The following AUTS2 variants were observed in gnomAD, a reference collection of about 807,000 sequenced individuals.
The protein encoded by AUTS2 is activator of transcription and developmental regulator AUTS2.
A neutral mutation model predicts 112.4 loss-of-function variants in AUTS2; 17 were observed. The observed-to-expected ratio is 0.15, with a 90% CI of 0.10 to 0.23. The LOEUF is 0.23. AUTS2 is among the 10% of genes least tolerant of loss of function. The pLI is 1.00. For missense variants in AUTS2, 1,510 were observed against 1,701.6 expected (o/e 0.89, Z 1.98); for synonymous variants, 751 against 702.7 (o/e 1.07, Z -1.09).
In AUTS2 at chr7:70,792,640, A is replaced by G. The variant is rs1792048295; in HGVS notation, c.*1644A>G. The G allele has an allele frequency of 1.4e-5, 1 of 69,636 alleles. No individual in the cohort carries two copies. Among genetic ancestry groups the G allele is most frequent in the African/African-American group, 4.4e-5 (1 of 22,884 alleles). The allele number at this position is 69,636 out of a possible 1,614,324, so 4.3% of individuals were successfully genotyped here. On this transcript the variant is annotated 3_prime_UTR_variant, in exon 19 of 19. Transcript: ENST00000342771. ...GTTTTTTTTTTTTTTTAAGACAACA[A>G]CTAAAAAAAATGCAAGGAATATGTA...
At chr7:69,827,648 A>C (rs947176048) in intron 1 of AUTS2, among the ~76,000 whole-genome samples, 6 of 152,182 alleles carry the variant, frequency 3.9e-5, no homozygotes, top group African/African-American at 1.4e-4. Context: ...GGAAGTAAGC[A>C]CTTGACTTCA....
At chr7:70,257,351 T>C (rs1208219143) in intron 4 of AUTS2, among the ~76,000 whole-genome samples, 1 of 152,186 alleles carries the variant, frequency 6.6e-6, no homozygotes, top group East Asian at 1.9e-4. Context: ...AGAGTCTTGC[T>C]CTGTCCCCCT....
chr7:70,090,005 AAAAC>A (rs1554307456), intron 2 of AUTS2, among the ~76,000 whole-genome samples: 1 of 120,240 alleles, frequency 8.3e-6, no homozygotes, highest in African/African-American at 3.3e-5. Context: ...AGACTGTTTC[AAAAC>A]AAATAAATAA....
intron 10 of AUTS2, among the ~76,000 whole-genome samples, chr7:70,768,877 C>CTTTTTTTTTTTT (rs66614263): frequency 1.5e-4 from 16 of 108,182 alleles, no homozygotes; most frequent in South Asian, 3.2e-4. Context: ...CCAGTGATTT[C>CTTTTTTTTTTTT]TTTTTTTTTT....
At chr7:69,733,380 C>G (rs1584154474) in intron 1 of AUTS2, among the ~76,000 whole-genome samples, 1 of 152,248 alleles carries the variant, frequency 6.6e-6, no homozygotes, top group Non-Finnish European at 1.5e-5. Flanking sequence ...CTTAGTGTCT[C>G]AGAGTCTTCG....
chr7:70,729,051 T>C, intron 6 of AUTS2: 1 of 408,698 alleles, frequency 2.4e-6, no homozygotes, highest in Non-Finnish European at 5.0e-6. Context: ...GGAGCCACTT[T>C]CTGTTCTTTG....
intron 4 of AUTS2, among the ~76,000 whole-genome samples, chr7:70,386,331 T>C (rs1408210898): frequency 6.6e-6 from 1 of 152,226 alleles, no homozygotes; most frequent in Admixed American, 6.5e-5. Context: ...CCATCATCAG[T>C]TCTACTTCTG....
chr7:70,436,956 T>G (rs1013013099), intron 5 of AUTS2: 1 of 152,244 alleles, frequency 6.6e-6, no homozygotes, highest in Non-Finnish European at 1.5e-5. Context: ...AAAAATGCTC[T>G]CTGGAGAAAT....
intron 1 of AUTS2, among the ~76,000 whole-genome samples, chr7:69,631,944 G>A (rs1252809344): frequency 6.6e-6 from 1 of 152,074 alleles, no homozygotes; most frequent in African/African-American, 2.4e-5. Context: ...TTCTCTCTAA[G>A]TTGTACTCAT....
chr7:70,220,972 A>C (rs1242933142), intron 4 of AUTS2, among the ~76,000 whole-genome samples: 1 of 152,162 alleles, frequency 6.6e-6, no homozygotes, highest in Non-Finnish European at 1.5e-5. Flanking sequence ...TCGCTCTGTC[A>C]CCCAGGCTGG....
intron 5 of AUTS2, among the ~76,000 whole-genome samples, chr7:70,479,835 C>G (rs946844077): frequency 1.3e-5 from 2 of 152,194 alleles, no homozygotes; most frequent in African/African-American, 4.8e-5. Flanking sequence ...TCACCACTTA[C>G]TTGAAAAACC....
At chr7:70,775,522 C>A in intron 13 of AUTS2, 136 bp downstream of exon 13, 1 of 720,006 alleles carries the variant, frequency 1.4e-6, no homozygotes, top group South Asian at 2.0e-5. Flanking sequence ...TTGGGTTTTT[C>A]AGATAGTGTG....
intron 4 of AUTS2, among the ~76,000 whole-genome samples, chr7:70,196,559 T>A (rs980617578): frequency 1.3e-5 from 2 of 152,230 alleles, no homozygotes; most frequent in African/African-American, 4.8e-5. Flanking sequence ...GATATATGGT[T>A]GCAGCAACTG....
intron 5 of AUTS2, among the ~76,000 whole-genome samples, chr7:70,454,172 C>T (rs985408536): frequency 1.3e-5 from 2 of 152,122 alleles, no homozygotes; most frequent in African/African-American, 4.8e-5. Flanking sequence ...GTGTGTCAGA[C>T]AAAAAGATCT....
At chr7:70,243,764 A>C (rs1007939702) in intron 4 of AUTS2, among the ~76,000 whole-genome samples, 1 of 152,128 alleles carries the variant, frequency 6.6e-6, no homozygotes, top group Non-Finnish European at 1.5e-5. Flanking sequence ...CCAAAAGGGT[A>C]ATGCTACAAA....
chr7:70,716,005 G>A (rs956954772), intron 6 of AUTS2, among the ~76,000 whole-genome samples: 2 of 152,210 alleles, frequency 1.3e-5, no homozygotes, highest in Non-Finnish European at 2.9e-5. Flanking sequence ...AGAATCTTAA[G>A]TGACTTGATT....
At chr7:70,118,736 C>T (rs1805522629) in intron 3 of AUTS2, 1 of 152,368 alleles carries the variant, frequency 6.6e-6, no homozygotes, top group African/African-American at 2.4e-5. Flanking sequence ...GATATTGTGC[C>T]ACTGTACTCA....
intron 6 of AUTS2, among the ~76,000 whole-genome samples, chr7:70,712,693 A>G (rs1810125876): frequency 6.6e-6 from 1 of 152,194 alleles, no homozygotes; most frequent in Non-Finnish European, 1.5e-5. Flanking sequence ...ACATTTTGGC[A>G]GTGAGGTTTT....
intron 1 of AUTS2, among the ~76,000 whole-genome samples, chr7:69,881,483 G>A (rs1191934357): frequency 6.6e-6 from 1 of 152,054 alleles, no homozygotes; most frequent in Non-Finnish European, 1.5e-5. Flanking sequence ...TTTGGAAATG[G>A]ACAGATGTCT....
Sources: gnomAD v4.1 joint callset for allele counts (sites outside exome capture counted in the v4.1 genomes callset) on GRCh38, gnomAD v4.1.1 for gene constraint, MANE v1.5 for transcripts, NCBI Gene and HGNC (gene_info 2026-07-23, HGNC 2026-07-21) for gene names.